Variants in TNFSF4 observed in about 807,000 individuals in gnomAD.
TNFSF4 encodes the protein TNF superfamily member 4, also known as tumor necrosis factor ligand superfamily member 4.
In TNFSF4, 4 loss-of-function variants were observed where a neutral mutation model predicts 7.3. The ratio of observed to expected loss-of-function variants is 0.55; its 90% CI spans 0.27 to 1.25. The LOEUF (loss-of-function observed/expected upper bound fraction) is 1.25, where lower values mean the gene tolerates loss of function less well. Ranked by LOEUF, TNFSF4 falls within the 50% of genes most tolerant of loss-of-function variation. The pLI is 0.12. For missense variants in TNFSF4, 181 were observed against 208.8 expected, an observed-to-expected ratio of 0.87 and a Z score of 0.82; for synonymous variants, 76 against 83.7, an observed-to-expected ratio of 0.91 and a Z score of 0.50.
At chr1:173,193,903 C>T (rs1649590049) in intron 1 of TNFSF4, among the ~76,000 whole-genome samples, 1 of 152,168 alleles carries the variant, frequency 6.6e-6, no homozygotes, top group South Asian at 2.1e-4. Flanking sequence ...GTTACCAGCC[C>T]AGTGGTTCTT....
At chr1:173,232,710 G>T in the TNFSF4 span, among the ~76,000 whole-genome samples, 6 of 152,114 alleles carry the variant, frequency 3.9e-5, no homozygotes, top group Admixed American at 6.5e-5. Context: ...GGCCTTTTCT[G>T]CATCTATTGA....
chr1:173,201,164 G>C (rs1024617802), intron 1 of TNFSF4, among the ~76,000 whole-genome samples: 1 of 151,858 alleles, frequency 6.6e-6, no homozygotes. Context: ...CATGTGCTCT[G>C]AGTACGTAAT....
At chr1:173,409,349 T>C in the TNFSF4 span, among the ~76,000 whole-genome samples, 1 of 152,206 alleles carries the variant, frequency 6.6e-6, no homozygotes, top group African/African-American at 2.4e-5. Context: ...GAATGGTGTC[T>C]GCAGATTCAA....
chr1:173,381,745 GA>G, the TNFSF4 span, among the ~76,000 whole-genome samples: 1 of 152,320 alleles, frequency 6.6e-6, no homozygotes, highest in African/African-American at 2.4e-5. Flanking sequence ...GTCCTGTTTA[GA>G]GGGGGGATTG....
At chr1:173,407,381 G>A in the TNFSF4 span, among the ~76,000 whole-genome samples, 2 of 151,722 alleles carry the variant, frequency 1.3e-5, no homozygotes, top group African/African-American at 4.8e-5. Context: ...GCGATATGAC[G>A]AAACCCCGTC....
the TNFSF4 span, among the ~76,000 whole-genome samples, chr1:173,342,994 G>C: frequency 6.6e-6 from 1 of 152,174 alleles, no homozygotes; most frequent in African/African-American, 2.4e-5. Context: ...GTGACACAAT[G>C]CTCTGTGGTG....
the TNFSF4 span, among the ~76,000 whole-genome samples, chr1:173,357,854 G>A: frequency 1.3e-5 from 2 of 152,104 alleles, no homozygotes; most frequent in African/African-American, 4.8e-5. Context: ...ACACCACTCT[G>A]CTTAGCACCT....
the TNFSF4 span, among the ~76,000 whole-genome samples, chr1:173,298,344 A>G: frequency 6.6e-6 from 1 of 151,976 alleles, no homozygotes. Context: ...AGGAAGAGAC[A>G]TGCTCTAAGA....
the TNFSF4 span, among the ~76,000 whole-genome samples, chr1:173,300,527 T>C: frequency 1.3e-5 from 2 of 151,882 alleles, no homozygotes; most frequent in Non-Finnish European, 2.9e-5. Flanking sequence ...CTCTCCATAG[T>C]TGTTGACAGC....
chr1:173,296,177 G>T, the TNFSF4 span, among the ~76,000 whole-genome samples: 2 of 151,966 alleles, frequency 1.3e-5, no homozygotes, highest in African/African-American at 4.8e-5. Context: ...TTTGAGACAA[G>T]TATGAGTTAG....
intron 1 of TNFSF4, among the ~76,000 whole-genome samples, chr1:173,195,433 C>T (rs1200052844): frequency 6.6e-6 from 1 of 152,190 alleles, no homozygotes; most frequent in Non-Finnish European, 1.5e-5. Flanking sequence ...AAGCAGGCTC[C>T]CCATGCAGGT....
At chr1:173,290,251 T>A in the TNFSF4 span, among the ~76,000 whole-genome samples, 48 of 152,198 alleles carry the variant, frequency 3.2e-4, 1 homozygote, top group South Asian at 9.3e-3. Flanking sequence ...AATATCAACC[T>A]TGAATGTAAA....
In TNFSF4 at chr1:173,185,033, A is replaced by G. The variant is rs1161930606; in HGVS notation, c.*1483T>C. 3 of 152,202 alleles carry G rather than the reference A, an allele frequency of 2.0e-5. No homozygotes were observed. The highest frequency in any genetic ancestry group is 2.9e-5 in the Non-Finnish European group (2 of 68,032). The allele number at this position is 152,202 out of a possible 1,614,324, so 9.4% of individuals were successfully genotyped here. On this transcript the variant is annotated 3_prime_UTR_variant, in exon 3 of 3. Transcript: ENST00000281834. ...ATAGAAAACAGGAAAAAAAAATCCAACTGAGACCATTTAGTGTAAGGGCGA... is the reference window on the plus strand; with the variant it reads ...ATAGAAAACAGGAAAAAAAAATCCAGCTGAGACCATTTAGTGTAAGGGCGA...
chr1:173,276,127 T>G, the TNFSF4 span, among the ~76,000 whole-genome samples: 10 of 151,930 alleles, frequency 6.6e-5, no homozygotes, highest in Non-Finnish European at 1.3e-4. Context: ...TACCTAAGAA[T>G]GAAAAACTAA....
the TNFSF4 span, among the ~76,000 whole-genome samples, chr1:173,395,088 CAT>C: frequency 2.8e-4 from 42 of 148,928 alleles, no homozygotes; most frequent in East Asian, 6.2e-3. Context: ...GCTATAAAGA[CAT>C]ATTCTGTTTC....
chr1:173,362,364 T>C, the TNFSF4 span: 4 of 368,404 alleles, frequency 1.1e-5, no homozygotes, highest in African/African-American at 4.2e-5. Context: ...CATGTTGCAC[T>C]CATACTGTAC....
At chr1:173,194,781 A>G (rs1649628254) in intron 1 of TNFSF4, among the ~76,000 whole-genome samples, 1 of 151,670 alleles carries the variant, frequency 6.6e-6, no homozygotes, top group Non-Finnish European at 1.5e-5. Flanking sequence ...TGTGGTCCCA[A>G]CTGCTTGGGA....
chr1:173,362,384 T>C, the TNFSF4 span: 1 of 412,318 alleles, frequency 2.4e-6, no homozygotes, highest in South Asian at 2.2e-5. Context: ...CGCCTTCTTA[T>C]TTGTGGTCCA....
At chr1:173,247,979 T>C in the TNFSF4 span, among the ~76,000 whole-genome samples, 8 of 152,228 alleles carry the variant, frequency 5.3e-5, no homozygotes, top group Admixed American at 5.2e-4. Context: ...TGAAGAAGAA[T>C]AGAAAGTGTC....
Sources: gnomAD v4.1 joint callset for allele counts (sites outside exome capture counted in the v4.1 genomes callset) on GRCh38, gnomAD v4.1.1 for gene constraint, MANE v1.5 for transcripts, NCBI Gene and HGNC (gene_info 2026-07-23, HGNC 2026-07-21) for gene names.